APBA2: variants seen among roughly 807,000 people sequenced by gnomAD.
APBA2 encodes the protein amyloid-beta A4 precursor protein-binding family A member 2.
In APBA2, 30 loss-of-function variants were observed where a neutral mutation model predicts 75.0. The ratio of observed to expected loss-of-function variants is 0.40; its 90% CI spans 0.30 to 0.54. The LOEUF is 0.54. Among genes scored for constraint, APBA2 ranks in the 20% least tolerant of loss-of-function variants. The pLI, the probability that APBA2 is intolerant of heterozygous loss-of-function variation, is 0.49. For missense variants in APBA2, 801 were observed against 1,016.1 expected, an observed-to-expected ratio of 0.79 and a Z score of 2.88; for synonymous variants, 444 against 409.6, an observed-to-expected ratio of 1.08 and a Z score of -1.01.
chr15:28,984,853 A>G (rs1370179619), intron 2 of APBA2, among the ~76,000 whole-genome samples: 3 of 74,008 alleles, frequency 4.1e-5, no homozygotes, highest in Non-Finnish European at 3.5e-5. Flanking sequence ...GAGCTGCTCT[A>G]TCTCTCTCTC....
chr15:28,957,720 G>A (rs536629196), intron 2 of APBA2, among the ~76,000 whole-genome samples: 101 of 152,194 alleles, frequency 6.6e-4, no homozygotes, highest in Non-Finnish European at 9.8e-4. Flanking sequence ...GGGGAGGCGC[G>A]TGCCGAGGGC....
chr15:29,105,344 CGT>C (rs1567018716), intron 10 of APBA2, 33 bp from the exon 11 acceptor site: 1 of 1,599,650 alleles, frequency 6.3e-7, no homozygotes, highest in East Asian at 2.2e-5. Flanking sequence ...GCCTGTGCCA[CGT>C]GCCTGTCTCC....
At position 29,043,682 on chromosome 15, in the gene APBA2, G is replaced by A. The variant is rs114401023; in HGVS notation, c.-40-10163G>A. On this transcript the variant is annotated intron_variant, in intron 3 of 14. Transcript: ENST00000683413. ...GATGCCACAAAATTGTCTTGTGGAA[G>A]TGCTAACACTGATTTATCTAGGATC... Among the ~76,000 whole-genome samples, 976 of 152,306 alleles carry A rather than the reference G, an allele frequency of 6.4e-3. 15 individuals are homozygous for A. Among genetic ancestry groups the A allele is most frequent in the African/African-American group, 0.022 (909 of 41,568 alleles).
chr15:28,954,813 C>A (rs1172638297), intron 2 of APBA2, among the ~76,000 whole-genome samples: 1 of 152,214 alleles, frequency 6.6e-6, no homozygotes, highest in Non-Finnish European at 1.5e-5. Flanking sequence ...CAGGGAATTT[C>A]TTTCCCCATC....
intron 14 of APBA2, 26 bp from the exon 15 acceptor site, chr15:29,117,036 G>A (rs1241431727): frequency 3.7e-6 from 6 of 1,611,440 alleles, no homozygotes; most frequent in Non-Finnish European, 5.1e-6. Flanking sequence ...GAGGGCAGCG[G>A]CTCAGCCTCC....
intron 3 of APBA2, among the ~76,000 whole-genome samples, chr15:29,000,672 C>A (rs1330895147): frequency 6.6e-6 from 1 of 152,086 alleles, no homozygotes; most frequent in East Asian, 1.9e-4. Flanking sequence ...CGCACTGCAA[C>A]CCTGACCTCC....
At chr15:29,071,325 T>G (rs1191089432) in intron 4 of APBA2, among the ~76,000 whole-genome samples, 2 of 152,078 alleles carry the variant, frequency 1.3e-5, no homozygotes, top group Non-Finnish European at 2.9e-5. Context: ...GAGTCCCGTG[T>G]GCTGTGAAGA....
intron 12 of APBA2, 138 bp downstream of exon 12, chr15:29,106,957 G>A: frequency 1.3e-6 from 1 of 770,352 alleles, no homozygotes; most frequent in East Asian, 2.7e-5. Context: ...CCCACCCGGT[G>A]ACTGGTCGAT....
Position 29,076,079 on chromosome 15 carries a change from A to T in APBA2, c.1057A>T (p.Ser353Cys). ...GACAAAGAAGGTGGCATCATTTCCA[A>T]GTTTTGTGGCTGGTAAGTGACTTTG... ...PETKKVASFPSFVAVPGPCEP... is the reference protein window; with the variant it reads ...PETKKVASFPCFVAVPGPCEP... The change falls in exon 6 of 15, where the codon AGT becomes TGT. Residue 353 changes from serine (S) to cysteine (C), a missense_variant. Ser to Cys is a moderately radical substitution (Grantham distance 112). Transcript: ENST00000683413. The T allele has an allele frequency of 6.2e-7, 1 of 1,614,142 alleles. No individual in the cohort carries two copies.
At chr15:28,973,182 C>G (rs1230511257) in intron 2 of APBA2, among the ~76,000 whole-genome samples, 2 of 152,124 alleles carry the variant, frequency 1.3e-5, no homozygotes, top group African/African-American at 2.4e-5. Flanking sequence ...TAGGAATAAC[C>G]AGTGATATCA....
rs539589426 is a variant in APBA2 at position 29,117,255 on chromosome 15, C to T, written c.*122C>T. 1.1e-6 allele frequency: 1 copy of T among 903,242 alleles called. No homozygotes were observed. Among genetic ancestry groups the T allele is most frequent in the South Asian group, 1.4e-5 (1 of 73,588 alleles). The allele number at this position is 903,242 out of a possible 1,614,324, so 56.0% of individuals were successfully genotyped here. ...AGCCCAGCCACGGACGCTGGCTCCC[C>T]AAAGGGTGTGCCCTCACCACCCACT... On this transcript the variant is annotated 3_prime_UTR_variant, in exon 15 of 15. Coordinates refer to ENST00000683413, the MANE Select transcript of APBA2 (RefSeq NM_001353788.2).
intron 3 of APBA2, among the ~76,000 whole-genome samples, chr15:29,048,737 C>A (rs1329873973): frequency 6.6e-6 from 1 of 151,578 alleles, no homozygotes. Context: ...AGATCGAGAC[C>A]ATCCTGGCCA....
At chr15:29,080,494 C>A (rs2043039593) in intron 6 of APBA2, among the ~76,000 whole-genome samples, 1 of 152,124 alleles carries the variant, frequency 6.6e-6, no homozygotes, top group South Asian at 2.1e-4. Context: ...AAGGGCCTGC[C>A]ACAATCACTG....
chr15:28,952,135 A>G (rs576345831), intron 2 of APBA2, among the ~76,000 whole-genome samples: 1 of 152,096 alleles, frequency 6.6e-6, no homozygotes, highest in East Asian at 1.9e-4. Context: ...CTGATCACTC[A>G]TGGGAACCAT....
chr15:28,995,380 G>A (rs2038462099), intron 2 of APBA2, among the ~76,000 whole-genome samples: 1 of 152,130 alleles, frequency 6.6e-6, no homozygotes, highest in Non-Finnish European at 1.5e-5. Flanking sequence ...GTCTGAAAGT[G>A]TCGTGAAGCA....
At chr15:29,052,520 T>TAG (rs2041651517) in intron 3 of APBA2, among the ~76,000 whole-genome samples, 1 of 151,110 alleles carries the variant, frequency 6.6e-6, no homozygotes, top group Non-Finnish European at 1.5e-5. Context: ...ACTTTCCTGA[T>TAG]GCTAGCCCCT....
chr15:29,056,924 T>C (rs565211108), intron 4 of APBA2, among the ~76,000 whole-genome samples: 24 of 152,140 alleles, frequency 1.6e-4, no homozygotes, highest in Non-Finnish European at 2.9e-4. Flanking sequence ...TTATGAAGGA[T>C]GTGCACTGGG....
intron 2 of APBA2, among the ~76,000 whole-genome samples, chr15:28,938,896 G>A (rs1307005734): frequency 6.6e-6 from 1 of 152,184 alleles, no homozygotes; most frequent in Non-Finnish European, 1.5e-5. Context: ...CATTTTAAGT[G>A]TATAGTTCGG....
chr15:28,964,880 C>T (rs766999454), intron 2 of APBA2, among the ~76,000 whole-genome samples: 1 of 151,954 alleles, frequency 6.6e-6, no homozygotes, highest in East Asian at 1.9e-4. Context: ...TTGTTAGGTA[C>T]GTGATTTGCA....
Sources: allele counts gnomAD v4.1 joint callset (sites outside exome capture counted in the v4.1 genomes callset), GRCh38; gene constraint gnomAD v4.1.1; transcripts MANE v1.5; gene names NCBI Gene and HGNC (gene_info 2026-07-23, HGNC 2026-07-21).